HS3ST4: variants seen among roughly 807,000 people sequenced by gnomAD.
HS3ST4 encodes the protein heparan sulfate glucosamine 3-O-sulfotransferase 4.
HS3ST4 carries 17 observed loss-of-function variants against 29.2 expected under a neutral mutation model. That is an observed-to-expected ratio of 0.58 (90% CI 0.40 to 0.87). HS3ST4 has a LOEUF of 0.87. Among genes scored for constraint, HS3ST4 ranks in the 40% least tolerant of loss-of-function variants. The pLI, the probability that HS3ST4 is intolerant of heterozygous loss-of-function variation, is 0.00. For synonymous variants in HS3ST4, 314 were observed against 285.7 expected, an observed-to-expected ratio of 1.10 and a Z score of -1.00; for missense variants, 627 against 634.5, an observed-to-expected ratio of 0.99 and a Z score of 0.13.
chr16:25,952,101 G>C (rs1310147042), intron 1 of HS3ST4, among the ~76,000 whole-genome samples: 1 of 152,190 alleles, frequency 6.6e-6, no homozygotes, highest in East Asian at 1.9e-4. Context: ...ATGCCCAACT[G>C]TTTATGTAGT....
chr16:26,070,617 G>A (rs1183838920), intron 1 of HS3ST4, among the ~76,000 whole-genome samples: 1 of 152,140 alleles, frequency 6.6e-6, no homozygotes, highest in Non-Finnish European at 1.5e-5. Context: ...CATCTCTTGG[G>A]TAATGTAAAA....
chr16:25,996,137 C>T (rs569244956), intron 1 of HS3ST4, among the ~76,000 whole-genome samples: 2 of 152,078 alleles, frequency 1.3e-5, no homozygotes, highest in Admixed American at 6.6e-5. Flanking sequence ...AGATTTGGGA[C>T]CAAAGCACCT....
chr16:26,059,323 C>G (rs1039613622), intron 1 of HS3ST4, among the ~76,000 whole-genome samples: 1 of 151,862 alleles, frequency 6.6e-6, no homozygotes, highest in Non-Finnish European at 1.5e-5. Context: ...CTCTCCTTGC[C>G]TCTCTCTCTT....
chr16:26,102,107 A>G (rs978150785), intron 1 of HS3ST4, among the ~76,000 whole-genome samples: 1 of 152,214 alleles, frequency 6.6e-6, no homozygotes, highest in Non-Finnish European at 1.5e-5. Context: ...TCCCACCTAC[A>G]AGCATTTTTG....
chr16:26,005,472 G>A (rs1276749808), intron 1 of HS3ST4, among the ~76,000 whole-genome samples: 2 of 152,128 alleles, frequency 1.3e-5, no homozygotes, highest in Admixed American at 6.5e-5. Context: ...GGTGCCCTGG[G>A]CCACTTCAGC....
intron 1 of HS3ST4, among the ~76,000 whole-genome samples, chr16:25,983,831 T>G (rs1969034595): frequency 6.6e-6 from 1 of 152,214 alleles, no homozygotes; most frequent in South Asian, 2.1e-4. Context: ...TCAGGGTTGG[T>G]GGTTTATTAA....
chr16:25,976,214 C>T (rs1165355181), intron 1 of HS3ST4, among the ~76,000 whole-genome samples: 5 of 152,146 alleles, frequency 3.3e-5, no homozygotes, highest in Admixed American at 3.3e-4. Context: ...TCTTTTATTA[C>T]AAGTGTCTCA....
At chr16:26,006,254 G>A (rs561464394) in intron 1 of HS3ST4, among the ~76,000 whole-genome samples, 14 of 122,050 alleles carry the variant, frequency 1.1e-4, no homozygotes, top group Non-Finnish European at 1.6e-4. Flanking sequence ...AGGCAGGATT[G>A]CACCATTGCA....
rs77355468 is a variant in HS3ST4, at chr16:25,770,677, G to T, written c.734+77526G>T. Among the ~76,000 whole-genome samples, 798 of 152,296 alleles carry T rather than the reference G, an allele frequency of 5.2e-3. 8 individuals carry two copies. The highest frequency in any genetic ancestry group is 0.018 in the African/African-American group (758 of 41,572). On this transcript the variant is annotated intron_variant, in intron 1 of 1. Coordinates refer to ENST00000331351, the MANE Select transcript of HS3ST4 (RefSeq NM_006040.3). ...CATCTGGAGCTGTACGGCCTGAATG[G>T]CTGCCCTGCTTTTTGTACATATATT...
At chr16:25,738,786 C>T (rs1399560541) in intron 1 of HS3ST4, among the ~76,000 whole-genome samples, 1 of 152,170 alleles carries the variant, frequency 6.6e-6, no homozygotes, top group Non-Finnish European at 1.5e-5. Context: ...TCACCTCCCT[C>T]CAGCTTGTCT....
chr16:25,746,287 G>GGA (rs1484097201), intron 1 of HS3ST4, among the ~76,000 whole-genome samples: 2 of 152,314 alleles, frequency 1.3e-5, no homozygotes, highest in African/African-American at 4.8e-5. Context: ...AAAGGTGATG[G>GGA]ATCAGCCAGG....
chr16:26,133,038 T>G (rs1899440318), intron 1 of HS3ST4, among the ~76,000 whole-genome samples: 1 of 152,174 alleles, frequency 6.6e-6, no homozygotes, highest in Non-Finnish European at 1.5e-5. Context: ...GGAAGTGCAA[T>G]TGATGATATT....
At chr16:26,096,674 G>T (rs1898930390) in intron 1 of HS3ST4, among the ~76,000 whole-genome samples, 1 of 152,128 alleles carries the variant, frequency 6.6e-6, no homozygotes, top group Admixed American at 6.6e-5. Context: ...CATTCCCTTT[G>T]AAAACCGGCA....
At chr16:26,045,821 C>T (rs1386549866) in intron 1 of HS3ST4, among the ~76,000 whole-genome samples, 1 of 152,320 alleles carries the variant, frequency 6.6e-6, no homozygotes, top group Admixed American at 6.5e-5. Context: ...TGGTTTGAAG[C>T]TGACCTTTTC....
intron 1 of HS3ST4, among the ~76,000 whole-genome samples, chr16:25,763,332 G>A (rs1567235013): frequency 6.6e-6 from 1 of 152,146 alleles, no homozygotes; most frequent in East Asian, 1.9e-4. Context: ...CAGGCAGAAG[G>A]AAATGCCACC....
intron 1 of HS3ST4, among the ~76,000 whole-genome samples, chr16:25,851,072 A>G (rs1161963861): frequency 6.6e-6 from 1 of 152,176 alleles, no homozygotes; most frequent in Admixed American, 6.5e-5. Context: ...TCACTCAAGG[A>G]AAAGTTTTCC....
In HS3ST4 at chr16:25,838,094, T is replaced by C. The variant is rs1165902181; in HGVS notation, c.734+144943T>C. ...ATTGCCTGGGTTAGAACCCCAACTC[T>C]GCAGCTTCTCAGCTATGTAAATGTG... On this transcript the variant is annotated intron_variant, in intron 1 of 1. Transcript: ENST00000331351. Among the ~76,000 whole-genome samples the C allele has an allele frequency of 2.6e-5, 4 of 152,356 alleles. No individual in the cohort carries two copies. The East Asian group carries it at 7.7e-4, about 29-fold the overall frequency.
chr16:25,749,983 A>G (rs1966708765), intron 1 of HS3ST4, among the ~76,000 whole-genome samples: 1 of 152,208 alleles, frequency 6.6e-6, no homozygotes, highest in South Asian at 2.1e-4. Flanking sequence ...CCATTACACA[A>G]CCACAATTTT....
intron 1 of HS3ST4, among the ~76,000 whole-genome samples, chr16:25,959,832 A>C (rs1968776718): frequency 6.6e-6 from 1 of 151,988 alleles, no homozygotes; most frequent in South Asian, 2.1e-4. Flanking sequence ...AGTTCATGCA[A>C]GATCTGGTTG....
Sources: allele counts gnomAD v4.1 joint callset (sites outside exome capture counted in the v4.1 genomes callset), GRCh38; gene constraint gnomAD v4.1.1; transcripts MANE v1.5; gene names NCBI Gene and HGNC (gene_info 2026-07-23, HGNC 2026-07-21).